Variants in TWIST2 observed in about 807,000 individuals in gnomAD.
The protein encoded by TWIST2 is twist-related protein 2.
In TWIST2, 1 loss-of-function variant was observed where a neutral mutation model predicts 11.6. That is an observed-to-expected ratio of 0.09 (90% CI 0.03 to 0.41). TWIST2 has a LOEUF of 0.41. Ranked by LOEUF, TWIST2 falls within the 10% of genes least tolerant of loss-of-function variation. The pLI, the probability that TWIST2 is intolerant of heterozygous loss-of-function variation, is 0.98. For synonymous variants in TWIST2, 87 were observed against 96.6 expected, an observed-to-expected ratio of 0.90 and a Z score of 0.58; for missense variants, 168 against 226.4, an observed-to-expected ratio of 0.74 and a Z score of 1.66.
In TWIST2 at chr2:238,866,914, C is replaced by T. The variant is rs146194423; in HGVS notation, c.*35+18181C>T. ...TGTCCTTGTCATGTATCCGGATGCCCGGCTCAGCCCATGCCCTGCACAAGT... is the reference window on the plus strand; with the variant it reads ...TGTCCTTGTCATGTATCCGGATGCCTGGCTCAGCCCATGCCCTGCACAAGT... On this transcript the variant is annotated intron_variant, in intron 1 of 1. Coordinates refer to ENST00000612363, the MANE Select transcript of TWIST2 (RefSeq NM_001271893.4). The surrounding 1 kb of genome is among the most constrained non-coding windows in gnomAD (Gnocchi z 4.9). Among the ~76,000 whole-genome samples the T allele has an allele frequency of 8.5e-3, 1,300 of 152,262 alleles. 22 individuals are homozygous for T. The highest frequency in any genetic ancestry group is 0.029 in the African/African-American group (1,208 of 41,562).
intron 1 of TWIST2, among the ~76,000 whole-genome samples, chr2:238,850,907 A>C (rs1482242610): frequency 1.3e-5 from 2 of 152,204 alleles, no homozygotes; most frequent in African/African-American, 4.8e-5. Flanking sequence ...TCCATGAATG[A>C]TTCTGGACAC....
At chr2:238,899,434 G>A (rs1214858609) in intron 1 of TWIST2, among the ~76,000 whole-genome samples, 4 of 152,182 alleles carry the variant, frequency 2.6e-5, no homozygotes, top group Non-Finnish European at 5.9e-5. Flanking sequence ...GATGCAGCAC[G>A]CCCTATTGTT....
intron 1 of TWIST2, among the ~76,000 whole-genome samples, chr2:238,898,955 T>C (rs1238262787): frequency 6.6e-6 from 1 of 152,240 alleles, no homozygotes; most frequent in Non-Finnish European, 1.5e-5. Flanking sequence ...GATTGGACAA[T>C]GTGACCGATG....
intron 1 of TWIST2, among the ~76,000 whole-genome samples, chr2:238,876,438 T>C (rs1475497187): frequency 6.6e-6 from 1 of 152,204 alleles, no homozygotes; most frequent in African/African-American, 2.4e-5. Context: ...TTAAGCCCAC[T>C]GCTGTGTCAG....
chr2:238,875,860 C>T (rs879281657), intron 1 of TWIST2, among the ~76,000 whole-genome samples: 1 of 152,150 alleles, frequency 6.6e-6, no homozygotes, highest in Admixed American at 6.5e-5. Context: ...AGCTCTGTCC[C>T]GAGTGAAAGT....
intron 1 of TWIST2, among the ~76,000 whole-genome samples, chr2:238,901,784 G>A (rs1485588726): frequency 6.6e-6 from 1 of 152,076 alleles, no homozygotes; most frequent in Non-Finnish European, 1.5e-5. Context: ...GGGTGGCCAG[G>A]ACCCATCGAG....
At chr2:238,905,948 CGCGTGTGTACGTGT>C (rs1390562859) in intron 1 of TWIST2, among the ~76,000 whole-genome samples, 2 of 110,378 alleles carry the variant, frequency 1.8e-5, no homozygotes, top group Admixed American at 7.8e-5. Context: ...TGTGTGCGCG[CGCGTGTGTACGTGT>C]GCGTGTGTGT....
chr2:238,897,328 T>C (rs1373510517), intron 1 of TWIST2, among the ~76,000 whole-genome samples: 2 of 152,148 alleles, frequency 1.3e-5, no homozygotes, highest in African/African-American at 4.8e-5. Context: ...CCTGCCCCTG[T>C]GTCCCCCAAG....
chr2:238,870,568 C>CCCCACA (rs1692659272), intron 1 of TWIST2, among the ~76,000 whole-genome samples: 1 of 14,444 alleles, frequency 6.9e-5, no homozygotes, highest in Admixed American at 7.9e-4. Flanking sequence ...ACACCACACA[C>CCCCACA]CACACACCAC....
At chr2:238,902,534 T>C (rs1693281645) in intron 1 of TWIST2, among the ~76,000 whole-genome samples, 1 of 147,524 alleles carries the variant, frequency 6.8e-6, no homozygotes, top group South Asian at 2.2e-4. Context: ...GGGGTGTGTG[T>C]GTGGTGTGTG....
chr2:238,853,261 TACAC>T (rs1192417937), intron 1 of TWIST2, among the ~76,000 whole-genome samples: 3 of 152,158 alleles, frequency 2.0e-5, no homozygotes, highest in Non-Finnish European at 4.4e-5. Context: ...TCATTAAGCA[TACAC>T]ACACAATTCT....
intron 1 of TWIST2, among the ~76,000 whole-genome samples, chr2:238,888,930 C>T (rs1693085442): frequency 6.6e-6 from 1 of 152,120 alleles, no homozygotes; most frequent in African/African-American, 2.4e-5. Context: ...AATGACTGTC[C>T]AGGCTGATTC....
chr2:238,872,712 A>G (rs914026934), intron 1 of TWIST2, among the ~76,000 whole-genome samples: 1 of 152,216 alleles, frequency 6.6e-6, no homozygotes, highest in African/African-American at 2.4e-5. Context: ...CGGAGCAGGT[A>G]CAGTTGCCAC....
chr2:238,863,138 A>G lies in TWIST2; in HGVS notation c.*35+14405A>G, dbSNP rs1692464020. On this transcript the variant is annotated intron_variant, in intron 1 of 1. Transcript: ENST00000612363. The surrounding 1 kb of genome is among the most constrained non-coding windows in gnomAD (Gnocchi z 4.7). The stretch of plus-strand genomic sequence containing the variant: ...GAGGTGCCCAGTGCTTTGTAAAGAT[A>G]GTGTGGCAGGCACATGCTGACCGAC... Among the ~76,000 whole-genome samples the G allele has an allele frequency of 6.6e-6, 1 of 151,974 alleles. No individual in the cohort carries two copies. Among genetic ancestry groups the G allele is most frequent in the African/African-American group, 2.4e-5 (1 of 41,354 alleles).
intron 1 of TWIST2, among the ~76,000 whole-genome samples, chr2:238,860,931 C>G (rs1224712257): frequency 1.3e-5 from 2 of 152,174 alleles, no homozygotes; most frequent in African/African-American, 4.8e-5. Context: ...GAGCAAGACT[C>G]CACCTCAAAA....
chr2:238,907,746 AACAC>A (rs1243899279), intron 1 of TWIST2, among the ~76,000 whole-genome samples: 2 of 128,696 alleles, frequency 1.6e-5, no homozygotes, highest in Admixed American at 7.5e-5. Flanking sequence ...AAACGCACAC[AACAC>A]ACACACAAAA....
intron 1 of TWIST2, among the ~76,000 whole-genome samples, chr2:238,853,606 A>G (rs1692282816): frequency 6.6e-6 from 1 of 152,198 alleles, no homozygotes; most frequent in South Asian, 2.1e-4. Flanking sequence ...GCCTTACCTG[A>G]ATGCTGATTT....
chr2:238,859,461 C>T (rs979065718), intron 1 of TWIST2, among the ~76,000 whole-genome samples: 2 of 151,882 alleles, frequency 1.3e-5, no homozygotes, highest in Non-Finnish European at 2.9e-5. Context: ...ACAAAACGCT[C>T]CAGAACTAGG....
chr2:238,858,825 C>T (rs1281410990), intron 1 of TWIST2, among the ~76,000 whole-genome samples: 2 of 152,162 alleles, frequency 1.3e-5, no homozygotes, highest in African/African-American at 4.8e-5. Context: ...CAACATTATT[C>T]ACAATAGTCA....
Sources: gnomAD v4.1 joint callset for allele counts (sites outside exome capture counted in the v4.1 genomes callset) on GRCh38, gnomAD v4.1.1 for gene constraint, Gnocchi (gnomAD v3.1) non-coding constraint, MANE v1.5 for transcripts, NCBI Gene and HGNC (gene_info 2026-07-23, HGNC 2026-07-21) for gene names.